The following EGLN1 variants were observed in gnomAD, a reference collection of about 807,000 sequenced individuals.
The protein encoded by EGLN1 is egl nine homolog 1.
EGLN1 carries 17 observed loss-of-function variants against 38.3 expected under a neutral mutation model. The ratio of observed to expected loss-of-function variants is 0.44; its 90% CI spans 0.30 to 0.67. EGLN1 has a LOEUF of 0.67. Ranked by LOEUF, EGLN1 falls within the 30% of genes least tolerant of loss-of-function variation. The probability of loss-of-function intolerance (pLI) is 0.08; values close to 1 mark genes in which losing one functional copy is unlikely to be tolerated. For missense variants in EGLN1, 477 were observed against 603.3 expected (o/e 0.79, Z 2.19); for synonymous variants, 283 against 257.5 (o/e 1.10, Z -0.95).
In EGLN1 at chr1:231,367,705, G is replaced by A. The variant is rs116084687; in HGVS notation, c.1149-69C>T. 3,577 of 1,434,042 alleles carry A rather than the reference G, an allele frequency of 2.5e-3. 85 individuals are homozygous for A. The African/African-American group carries it at 0.044, about 18-fold the overall frequency. The allele number at this position is 1,434,042 out of a possible 1,614,324, so 88.8% of individuals were successfully genotyped here. A position where few individuals can be genotyped will look rare whatever the true frequency, so the allele number is the denominator to read the frequency against. On this transcript the variant is annotated intron_variant, in intron 3 of 4. Coordinates refer to ENST00000366641, the MANE Select transcript of EGLN1 (RefSeq NM_022051.3). ...GGAAAAAGTGGTATTTTGCTGCAAT[G>A]GTATATTAAAACTTGTAATGCCAAA... is the stretch of plus-strand genomic sequence containing the variant.
At chr1:231,414,000 T>C (rs1193696141) in intron 1 of EGLN1, among the ~76,000 whole-genome samples, 1 of 152,218 alleles carries the variant, frequency 6.6e-6, no homozygotes, top group Non-Finnish European at 1.5e-5. Flanking sequence ...AAGTTGAGTT[T>C]TGACTACGAA....
At position 231,421,591 on chromosome 1, in the gene EGLN1, G is replaced by A; in HGVS notation, c.298C>T (p.Arg100Trp). The A allele has an allele frequency of 7.6e-7, 1 of 1,317,606 alleles. No homozygotes were observed. The highest frequency in any genetic ancestry group is 9.6e-7 in the Non-Finnish European group (1 of 1,042,824). The allele number at this position is 1,317,606 out of a possible 1,614,324, so 81.6% of individuals were successfully genotyped here. The change falls in exon 1 of 5, where the codon CGG (arginine) becomes TGG (tryptophan). Residue 100 changes from arginine to tryptophan, a missense_variant. Around this residue, in one of 4 missense-constraint regions of EGLN1, gnomAD observed 298 missense variants for 288.9 expected, o/e 1.03. Coordinates refer to ENST00000366641, the MANE Select transcript of EGLN1 (RefSeq NM_022051.3). The surrounding 1 kb of genome is among the most constrained non-coding windows in gnomAD (Gnocchi z 5.5). Reference protein sequence around the residue: ...AREPRKAAARRDNASGDAAKG... With the variant: ...AREPRKAAARWDNASGDAAKG... Reference sequence around the variant, plus strand: ...GCCGCGTCCCCGGAGGCGTTGTCCCGGCGCGCCGCTGCCTTCCTGGGCTCC... The same window carrying A: ...GCCGCGTCCCCGGAGGCGTTGTCCCAGCGCGCCGCTGCCTTCCTGGGCTCC...
intron 1 of EGLN1, among the ~76,000 whole-genome samples, chr1:231,389,602 T>C (rs975296508): frequency 6.6e-5 from 10 of 152,162 alleles, no homozygotes; most frequent in Non-Finnish European, 1.2e-4. Flanking sequence ...AAACTGCTTT[T>C]CACCTTCACA....
In EGLN1 at chr1:231,385,381, GACT is replaced by G. The variant is rs993743219; in HGVS notation, c.892-11285_892-11283del. 3.0e-4 allele frequency among the ~76,000 whole-genome samples: 46 copies of G among 152,320 alleles called. 1 individual carries two copies. Among genetic ancestry groups the G allele is most frequent in the African/African-American group, 1.1e-3 (45 of 41,564 alleles). The stretch of plus-strand genomic sequence containing the variant: ...AATTAAAATGACCAGTCCATGCGCT[GACT>G]ACTTCACTGGGGAGAAGGTTGGGAT... On this transcript the variant is annotated intron_variant, in intron 1 of 4. Transcript: ENST00000366641.
chr1:231,410,118 A>G (rs936646673), intron 1 of EGLN1, among the ~76,000 whole-genome samples: 25 of 152,216 alleles, frequency 1.6e-4, no homozygotes, highest in Admixed American at 1.5e-3. Flanking sequence ...ATATTCTTGT[A>G]TGATTCCTCA....
intron 1 of EGLN1, among the ~76,000 whole-genome samples, chr1:231,400,798 C>G (rs570560149): frequency 1.3e-4 from 20 of 152,240 alleles, no homozygotes; most frequent in African/African-American, 4.8e-4. Flanking sequence ...GCCTGTAATC[C>G]CAGCACTTTG....
chr1:231,410,739 T>C (rs1307024517), intron 1 of EGLN1, among the ~76,000 whole-genome samples: 1 of 149,106 alleles, frequency 6.7e-6, no homozygotes, highest in African/African-American at 2.5e-5. Context: ...AACTGAAAAA[T>C]ATAAGAAAAA....
At chr1:231,385,983 T>G (rs1253627488) in intron 1 of EGLN1, among the ~76,000 whole-genome samples, 2 of 152,104 alleles carry the variant, frequency 1.3e-5, no homozygotes, top group African/African-American at 4.8e-5. Context: ...TAGCTAATTT[T>G]TAAATTTTTT....
rs775733855 is a variant in EGLN1, at chr1:231,421,262, C to T, written c.627G>A (p.Val209=). The change falls in exon 1 of 5, where the codon GTG becomes GTA. Residue 209 remains valine, a synonymous_variant. Transcript: ENST00000366641. The surrounding 1 kb of genome is among the most constrained non-coding windows in gnomAD (Gnocchi z 5.5). ...VPCMNKHGIC[V]VDDFLGKETG... ...TCTCCTTGCCGAGGAAGTCGTCCAC[C>T]ACACAGATGCCGTGCTTGTTCATGC... The T allele has an allele frequency of 1.1e-5, 17 of 1,613,632 alleles. No individual in the cohort carries two copies. In the African/African-American group the frequency reaches 2.1e-4, roughly 20 times the overall value.
At chr1:231,370,495 T>C in intron 3 of EGLN1, 67 bp downstream of exon 3, 1 of 1,560,058 alleles carries the variant, frequency 6.4e-7, no homozygotes, top group Non-Finnish European at 8.8e-7. Context: ...AGCTTTCACG[T>C]TTACTCTACA....
At chr1:231,418,194 G>A (rs146739018) in intron 1 of EGLN1, among the ~76,000 whole-genome samples, 55 of 152,262 alleles carry the variant, frequency 3.6e-4, no homozygotes, top group African/African-American at 1.2e-3. Context: ...ACTGACAGGC[G>A]CATAATTCAG....
At chr1:231,369,468 C>G in intron 3 of EGLN1, 1 of 560,228 alleles carries the variant, frequency 1.8e-6, no homozygotes, top group South Asian at 7.8e-5. Context: ...GGGGCAGAGA[C>G]AGCACTGGGA....
rs1362219106 is a variant in EGLN1 at position 231,421,790 on chromosome 1, G to A, written c.99C>T (p.Cys33=). 1.3e-6 allele frequency: 2 copies of A among 1,558,498 alleles called. No individual in the cohort carries two copies. Among genetic ancestry groups the A allele is most frequent in the Non-Finnish European group, 1.7e-6 (2 of 1,162,256 alleles). ...AGTAGAAGGAGCTGCGGCAGCGGCT[G>A]CAGCGCAGCAGGTTCTCCATCTTCC... is the stretch of plus-strand genomic sequence containing the variant. The part of the protein sequence containing the change: ...LCGKMENLLR[C]SRCRSSFYCC... Residue 33 remains cysteine (C), a synonymous_variant, in exon 1 of 5, where the codon TGC becomes TGT. Coordinates refer to ENST00000366641, the MANE Select transcript of EGLN1 (RefSeq NM_022051.3). This position sits in a 1 kb window ranked among gnomAD's most constrained non-coding sequence, Gnocchi z 5.5.
At chr1:231,393,752 C>G (rs1688450455) in intron 1 of EGLN1, among the ~76,000 whole-genome samples, 1 of 152,142 alleles carries the variant, frequency 6.6e-6, no homozygotes, top group African/African-American at 2.4e-5. Context: ...TCCATGCTTC[C>G]TCATCACACC....
chr1:231,385,620 T>C (rs1688185234), intron 1 of EGLN1, among the ~76,000 whole-genome samples: 1 of 152,190 alleles, frequency 6.6e-6, no homozygotes, highest in Admixed American at 6.5e-5. Flanking sequence ...AAAAGCTTAG[T>C]AAGCCCCAAT....
chr1:231,417,839 G>A (rs1399418236), intron 1 of EGLN1, among the ~76,000 whole-genome samples: 4 of 152,168 alleles, frequency 2.6e-5, no homozygotes, highest in African/African-American at 9.7e-5. Flanking sequence ...AGACTATCAT[G>A]TATCATCTGA....
At chr1:231,387,889 C>G (rs1688260764) in intron 1 of EGLN1, among the ~76,000 whole-genome samples, 1 of 152,216 alleles carries the variant, frequency 6.6e-6, no homozygotes, top group Non-Finnish European at 1.5e-5. Context: ...TGCCTCTCAC[C>G]TATTCTTCAG....
intron 1 of EGLN1, among the ~76,000 whole-genome samples, chr1:231,396,969 T>C (rs924286213): frequency 6.6e-6 from 1 of 152,230 alleles, no homozygotes; most frequent in Non-Finnish European, 1.5e-5. Flanking sequence ...GAAGCTCTTA[T>C]CTTTTGCTTC....
At chr1:231,369,767 A>G (rs1241271194) in intron 3 of EGLN1, among the ~76,000 whole-genome samples, 1 of 152,236 alleles carries the variant, frequency 6.6e-6, no homozygotes. Context: ...AGCCAGATAC[A>G]GCAAATGAAT....
Sources: gnomAD v4.1 joint callset for allele counts (sites outside exome capture counted in the v4.1 genomes callset) on GRCh38, gnomAD v4.1.1 for gene constraint, gnomAD v4.1.1 regional missense constraint, Gnocchi (gnomAD v3.1) non-coding constraint, MANE v1.5 for transcripts, NCBI Gene and HGNC (gene_info 2026-07-23, HGNC 2026-07-21) for gene names.